The following CTTN variants were observed in gnomAD, a reference collection of about 807,000 sequenced individuals.
CTTN encodes the protein src substrate cortactin.
In CTTN, 28 loss-of-function variants were observed where a neutral mutation model predicts 84.0. That is an observed-to-expected ratio of 0.33 (90% CI 0.25 to 0.46). The LOEUF (loss-of-function observed/expected upper bound fraction) is 0.46. CTTN is among the 20% of genes least tolerant of loss of function. CTTN has a pLI of 1.00. For missense variants in CTTN, 641 were observed against 723.8 expected (o/e 0.89, Z 1.31); for synonymous variants, 301 against 288.8 (o/e 1.04, Z -0.43).
chr11:70,406,219 G>A (rs2058040006), intron 2 of CTTN, among the ~76,000 whole-genome samples: 1 of 152,186 alleles, frequency 6.6e-6, no homozygotes, highest in South Asian at 2.1e-4. Context: ...TTGAGAGCAC[G>A]CTGCCCTGAT....
chr11:70,416,070 A>G (rs2058155820), intron 7 of CTTN: 4 of 261,810 alleles, frequency 1.5e-5, no homozygotes. Context: ...ATCGGCAGAA[A>G]GCTAACTTCC....
At position 70,435,649 on chromosome 11, in the gene CTTN, G is replaced by A; in HGVS notation, c.*487G>A. ...TGGGGAGGAGAGGACTGGGCCTGAT[G>A]GAAGTTAACCCGGAGCTAAGTCACC... On this transcript the variant is annotated 3_prime_UTR_variant, in exon 18 of 18. Coordinates refer to ENST00000301843, the MANE Select transcript of CTTN (RefSeq NM_005231.4). The A allele has an allele frequency of 6.3e-7, 1 of 1,596,168 alleles. No individual in the cohort carries two copies. Among genetic ancestry groups the A allele is most frequent in the East Asian group, 2.2e-5 (1 of 44,836 alleles).
chr11:70,436,025 G>T lies in CTTN; in HGVS notation c.*863G>T. ...CCTGGGCCACCGGGCAGCCTGGGGC[G>T]GTGTGTGTGCCATGTCACAGCATGG... On this transcript the variant is annotated 3_prime_UTR_variant, in exon 18 of 18. Coordinates refer to ENST00000301843, the MANE Select transcript of CTTN (RefSeq NM_005231.4). 1 of 1,426,058 alleles carries T rather than the reference G, an allele frequency of 7.0e-7. No homozygotes were observed. Among genetic ancestry groups the T allele is most frequent in the South Asian group, 1.5e-5 (1 of 65,410 alleles). The allele number at this position is 1,426,058 out of a possible 1,614,324, so 88.3% of individuals were successfully genotyped here. A position where few individuals can be genotyped will look rare whatever the true frequency, so the allele number is the denominator to read the frequency against.
intron 15 of CTTN, among the ~76,000 whole-genome samples, 176 bp from the exon 16 acceptor site, chr11:70,432,925 C>T (rs1376476863): frequency 5.9e-5 from 9 of 152,196 alleles, no homozygotes; most frequent in Non-Finnish European, 1.0e-4. Flanking sequence ...TGGGCACTCA[C>T]CACCATGGTG....
intron 13 of CTTN, 137 bp downstream of exon 13, chr11:70,425,538 A>G: frequency 7.5e-6 from 5 of 669,678 alleles, no homozygotes; most frequent in Non-Finnish European, 1.3e-5. Flanking sequence ...TTGGGAAAGA[A>G]AATGATCGTT....
chr11:70,414,682 G>C, intron 6 of CTTN, 30 bp downstream of exon 6: 1 of 1,557,940 alleles, frequency 6.4e-7, no homozygotes, highest in African/African-American at 1.4e-5. Flanking sequence ...GACTGGGGCA[G>C]GTTGGGGCAA....
rs1386370435 is a variant in CTTN at position 70,407,913 on chromosome 11, C to G, written c.161+322C>G. On this transcript the variant is annotated intron_variant, in intron 4 of 17. Transcript: ENST00000301843. ...TTATCAGGGAACATTTGTCCCTAAG[C>G]TCTACCTTACAAGCGAGAGGTTTCT... The G allele has an allele frequency of 2.0e-5, 6 of 300,258 alleles. No individual in the cohort carries two copies. In the Admixed American group the frequency reaches 2.3e-4, roughly 12 times the overall value. 18.6% of individuals were successfully genotyped at this position (300,258 alleles called of 1,614,324 possible). A position where few individuals can be genotyped will look rare whatever the true frequency, so the allele number is the denominator to read the frequency against.
chr11:70,421,842 G>A (rs765420336), intron 11 of CTTN: 61 of 451,904 alleles, frequency 1.3e-4, no homozygotes, highest in Non-Finnish European at 2.0e-4. Context: ...TTTCTAACCC[G>A]GTGACCCATC....
At chr11:70,406,196 C>T (rs1453489827) in intron 2 of CTTN, among the ~76,000 whole-genome samples, 1 of 152,206 alleles carries the variant, frequency 6.6e-6, no homozygotes, top group Non-Finnish European at 1.5e-5. Flanking sequence ...GAGACAAAGT[C>T]GCACCTAGAA....
chr11:70,414,375 G>T (rs2058133080), intron 5 of CTTN, among the ~76,000 whole-genome samples, 167 bp from the exon 6 acceptor site: 1 of 151,760 alleles, frequency 6.6e-6, no homozygotes, highest in Non-Finnish European at 1.5e-5. Context: ...CAAGGACCCG[G>T]GCCTCCCAGG....
chr11:70,406,197 G>C (rs1401535978), intron 2 of CTTN, among the ~76,000 whole-genome samples: 1 of 152,176 alleles, frequency 6.6e-6, no homozygotes, highest in South Asian at 2.1e-4. Context: ...AGACAAAGTC[G>C]CACCTAGAAA....
intron 12 of CTTN, 65 bp downstream of exon 12, chr11:70,423,060 A>G (rs1591445155): frequency 1.9e-6 from 3 of 1,597,312 alleles, no homozygotes; most frequent in Non-Finnish European, 8.6e-7. Context: ...GGCGTGGCTC[A>G]CCGTGCTGGC....
At chr11:70,426,297 G>A (rs1418526317) in intron 13 of CTTN, among the ~76,000 whole-genome samples, 1 of 151,944 alleles carries the variant, frequency 6.6e-6, no homozygotes, top group Admixed American at 6.6e-5. Flanking sequence ...TGTAGTCCCA[G>A]CTACTCGGGA....
chr11:70,423,040 G>T, intron 12 of CTTN, 45 bp downstream of exon 12: 1 of 1,611,436 alleles, frequency 6.2e-7, no homozygotes, highest in South Asian at 1.1e-5. Flanking sequence ...GCCTGCAGGG[G>T]CTCTTGGTGG....
chr11:70,399,674 G>A (rs2057953250), intron 1 of CTTN, among the ~76,000 whole-genome samples: 1 of 152,198 alleles, frequency 6.6e-6, no homozygotes, highest in Non-Finnish European at 1.5e-5. Flanking sequence ...GAAGCTGGAA[G>A]GCCTTGGGTG....
At chr11:70,425,630 G>A (rs1023289352) in intron 13 of CTTN, among the ~76,000 whole-genome samples, 3 of 152,216 alleles carry the variant, frequency 2.0e-5, no homozygotes, top group African/African-American at 4.8e-5. Context: ...AGTGGGGCCC[G>A]TTTCAAGGGG....
chr11:70,423,087 G>C, intron 12 of CTTN, 92 bp downstream of exon 12: 1 of 1,463,358 alleles, frequency 6.8e-7, no homozygotes, highest in Non-Finnish European at 9.5e-7. Flanking sequence ...CCACGCGCTG[G>C]GGTGGGGCAC....
chr11:70,420,154 T>C, intron 9 of CTTN: 4 of 596,910 alleles, frequency 6.7e-6, no homozygotes, highest in Non-Finnish European at 1.2e-5. Context: ...GGAAGCCGCA[T>C]GCGTGGGAGC....
chr11:70,436,056 C>A lies in CTTN; in HGVS notation c.*894C>A. The A allele has an allele frequency of 1.4e-6, 2 of 1,424,480 alleles. No individual in the cohort carries two copies. Among genetic ancestry groups the A allele is most frequent in the East Asian group, 5.1e-5 (2 of 39,232 alleles). 88.2% of individuals were successfully genotyped at this position (1,424,480 alleles called of 1,614,324 possible). A position where few individuals can be genotyped will look rare whatever the true frequency, so the allele number is the denominator to read the frequency against. On this transcript the variant is annotated 3_prime_UTR_variant, in exon 18 of 18. Coordinates refer to ENST00000301843, the MANE Select transcript of CTTN (RefSeq NM_005231.4). ...TGTGCCATGTCACAGCATGGCCTCT[C>A]GGCCTTGGGAAGGAAGGCAGTGCCT...
Sources: allele counts gnomAD v4.1 joint callset (sites outside exome capture counted in the v4.1 genomes callset), GRCh38; gene constraint gnomAD v4.1.1; transcripts MANE v1.5; gene names NCBI Gene and HGNC (gene_info 2026-07-23, HGNC 2026-07-21).